Variants in FAT1 observed in about 807,000 individuals in gnomAD.
FAT1 encodes FAT atypical cadherin 1, also known as protocadherin Fat 1.
FAT1 carries 171 observed loss-of-function variants against 329.8 expected under a neutral mutation model. The ratio of observed to expected loss-of-function variants is 0.52; its 90% CI spans 0.46 to 0.59. The LOEUF (loss-of-function observed/expected upper bound fraction) is 0.59. Among genes scored for constraint, FAT1 ranks in the 20% least tolerant of loss-of-function variants. FAT1 has a pLI of 0.00. For missense variants in FAT1, 5,672 were observed against 5,774.4 expected (o/e 0.98, Z 0.57); for synonymous variants, 2,233 against 2,228.6 (o/e 1.00, Z -0.06).
chr4:186,666,278 A>T (rs1222712573), intron 2 of FAT1, among the ~76,000 whole-genome samples: 1 of 152,196 alleles, frequency 6.6e-6, no homozygotes, highest in Non-Finnish European at 1.5e-5. Context: ...ACTGAAGATG[A>T]ACTCAAACAT....
At chr4:186,611,298 G>C in intron 14 of FAT1, 88 bp downstream of exon 14, 2 of 1,202,288 alleles carry the variant, frequency 1.7e-6, no homozygotes, top group South Asian at 3.1e-5. Flanking sequence ...TGACAACACA[G>C]GGTCACTTAA....
At chr4:186,667,395 G>A (rs770648792) in intron 2 of FAT1, among the ~76,000 whole-genome samples, 4 of 152,154 alleles carry the variant, frequency 2.6e-5, no homozygotes, top group Non-Finnish European at 5.9e-5. Context: ...TTCAAATATC[G>A]GAGATTGTGT....
chr4:186,722,262 T>C (rs756345198), intron 1 of FAT1, among the ~76,000 whole-genome samples: 2 of 152,198 alleles, frequency 1.3e-5, no homozygotes, highest in African/African-American at 4.8e-5. Flanking sequence ...TGGCCCGAAA[T>C]GATTTTATAA....
intron 1 of FAT1, among the ~76,000 whole-genome samples, chr4:186,714,891 A>AAC (rs1745136171): frequency 6.6e-6 from 1 of 152,170 alleles, no homozygotes; most frequent in Non-Finnish European, 1.5e-5. Flanking sequence ...CATCCTGGCC[A>AAC]ACATGGTGAA....
chr4:186,605,773 G>C (rs571000629), intron 17 of FAT1, among the ~76,000 whole-genome samples: 13 of 141,556 alleles, frequency 9.2e-5, no homozygotes, highest in Admixed American at 8.5e-4. Context: ...GGAAGGTCAA[G>C]GGGGGAGGAG....
At position 186,597,593 on chromosome 4, in the gene FAT1, A is replaced by G. The variant is rs111306703; in HGVS notation, c.12368+89T>C. 2,607 of 829,080 alleles carry G rather than the reference A, an allele frequency of 3.1e-3. 47 individuals are homozygous for G. The African/African-American group carries it at 0.04, about 13-fold the overall frequency. 51.4% of individuals were successfully genotyped at this position (829,080 alleles called of 1,614,324 possible). A position where few individuals can be genotyped will look rare whatever the true frequency, so the allele number is the denominator to read the frequency against. On this transcript the variant is annotated intron_variant, in intron 24 of 26. Coordinates refer to ENST00000441802, the MANE Select transcript of FAT1 (RefSeq NM_005245.4). Reference sequence around the variant, plus strand: ...GGATTATCAAAATCTGACATAATGTAGTTCAAATCACTGAAGGTCTGTTGC... The same window carrying G: ...GGATTATCAAAATCTGACATAATGTGGTTCAAATCACTGAAGGTCTGTTGC...
At chr4:186,645,968 TACACAC>T (rs371987938) in intron 3 of FAT1, among the ~76,000 whole-genome samples, 2,935 of 105,198 alleles carry the variant, frequency 0.028, 111 homozygotes, top group Non-Finnish European at 0.037. Flanking sequence ...AAAAAATATA[TACACAC>T]ACACACACAC....
intron 2 of FAT1, among the ~76,000 whole-genome samples, chr4:186,706,065 TAAGTG>T (rs1459037600): frequency 2.0e-5 from 3 of 152,180 alleles, no homozygotes; most frequent in Non-Finnish European, 2.9e-5. Context: ...GACGAGGTAC[TAAGTG>T]AAGACCACAT....
intron 3 of FAT1, among the ~76,000 whole-genome samples, chr4:186,647,844 G>T (rs1023533401): frequency 6.6e-6 from 1 of 152,162 alleles, no homozygotes; most frequent in South Asian, 2.1e-4. Context: ...TTACTACCAG[G>T]ATCCGGAAGT....
chr4:186,650,302 T>C (rs897230209), intron 3 of FAT1, among the ~76,000 whole-genome samples: 5 of 152,216 alleles, frequency 3.3e-5, no homozygotes, highest in African/African-American at 1.2e-4. Flanking sequence ...GTTCTGAGTA[T>C]ATTATTTCTC....
At position 186,613,299 on chromosome 4, in the gene FAT1, A is replaced by T. The variant is rs1739549873; in HGVS notation, c.9273T>A (p.Ala3091=). 1.2e-6 allele frequency: 2 copies of T among 1,614,040 alleles called. No individual in the cohort carries two copies. Among genetic ancestry groups the T allele is most frequent in the Non-Finnish European group, 1.7e-6 (2 of 1,179,888 alleles). The part of the protein sequence containing the change: ...TSTPLDREEQ[A]VYHLLVRATD... ...TGGCCCTGACGAGAAGATGATAAAC[A>T]GCTTGCTCCTCACGATCAAGGGGGG... Residue 3091 remains alanine, a synonymous_variant, in exon 13 of 27, where the codon GCT becomes GCA. Transcript: ENST00000441802.
Position 186,636,117 on chromosome 4 carries a change from G to A in FAT1, c.4091C>T (p.Thr1364Ile), listed in dbSNP as rs776549508. 6.2e-7 allele frequency: 1 copy of A among 1,613,952 alleles called. No individual in the cohort carries two copies. The highest frequency in any genetic ancestry group is 8.5e-7 in the Non-Finnish European group (1 of 1,179,880). The part of the protein sequence containing the change: ...EPISFEESFF[T>I]FTVMESDPVA... ...GGGGTCACTTTCCATCACAGTAAAG[G>A]TAAAAAATGATTCTTCAAATGAAAT... Residue 1364 changes from threonine to isoleucine, a missense_variant, in exon 6 of 27, where the codon ACC (threonine) becomes ATC (isoleucine). Transcript: ENST00000441802.
intron 1 of FAT1, among the ~76,000 whole-genome samples, chr4:186,719,049 C>T (rs559175302): frequency 1.7e-4 from 26 of 152,308 alleles, no homozygotes; most frequent in Admixed American, 5.9e-4. Context: ...TGAATGACAA[C>T]ATTCTCCTGA....
Position 186,613,216 on chromosome 4 carries a change from T to A in FAT1, c.9356A>T (p.Asn3119Ile), listed in dbSNP as rs2126475212. The A allele has an allele frequency of 6.2e-7, 1 of 1,613,934 alleles. No homozygotes were observed. Residue 3119 changes from asparagine to isoleucine, a missense_variant, in exon 13 of 27, where the codon AAC becomes ATC. By Grantham distance (149) the Asn-to-Ile change is moderately radical. Around this residue, in one of 2 missense-constraint regions of FAT1, gnomAD observed 3,966 missense variants for 3,915.2 expected, o/e 1.01. Coordinates refer to ENST00000441802, the MANE Select transcript of FAT1 (RefSeq NM_005245.4). ...ASIVLTLEDV[N>I]DNAPEFSADP... ...GGCAGAGAATTCGGGGGCGTTATCG[T>A]TCACATCTTCTAGCGTGAGCACAAT...
At chr4:186,595,325 G>A (rs1738448778) in intron 26 of FAT1, among the ~76,000 whole-genome samples, 1 of 152,032 alleles carries the variant, frequency 6.6e-6, no homozygotes, top group Admixed American at 6.6e-5. Context: ...GTGAGAGAGA[G>A]TGTGTGTTTG....
In FAT1 at chr4:186,618,781, T is replaced by G; in HGVS notation, c.7805A>C (p.Glu2602Ala). The change falls in exon 10 of 27, where the codon GAA (glutamate) becomes GCA (alanine). Residue 2602 changes from glutamate (E) to alanine (A), a missense_variant. This residue lies in a region of FAT1 where 3,966 missense variants were observed against 3,915.2 expected (regional missense o/e 1.01). Coordinates refer to ENST00000441802, the MANE Select transcript of FAT1 (RefSeq NM_005245.4). ...NAPQFRATKY[E>A]VNIGSSAAKG... Reference sequence around the variant, plus strand: ...AGCAGCACTGGACCCGATATTCACTTCGTATTTGGTTGCTCGAAATTGTGG... The same window carrying G: ...AGCAGCACTGGACCCGATATTCACTGCGTATTTGGTTGCTCGAAATTGTGG... 1 of 1,614,012 alleles carries G rather than the reference T, an allele frequency of 6.2e-7. No homozygotes were observed. The highest frequency in any genetic ancestry group is 8.5e-7 in the Non-Finnish European group (1 of 1,179,892).
At chr4:186,635,522 A>G (rs983939117) in intron 6 of FAT1, among the ~76,000 whole-genome samples, 1 of 152,236 alleles carries the variant, frequency 6.6e-6, no homozygotes, top group Non-Finnish European at 1.5e-5. Context: ...AGCTGGTACC[A>G]TAACTTTGTA....
Position 186,603,045 on chromosome 4 carries a change from A to G in FAT1, c.11351-11T>C, listed in dbSNP as rs1329206058. 1 of 1,613,886 alleles carries G rather than the reference A, an allele frequency of 6.2e-7. No homozygotes were observed. Among genetic ancestry groups the G allele is most frequent in the Non-Finnish European group, 8.5e-7 (1 of 1,179,842 alleles). On this transcript the variant is annotated splice_polypyrimidine_tract_variant and intron_variant, in intron 19 of 26. Coordinates refer to ENST00000441802, the MANE Select transcript of FAT1 (RefSeq NM_005245.4). Reference sequence around the variant, plus strand: ...GTGGGCACCTTCCCTCTTCATTCAAAGAGGGGAGAAAGGGAAAAGATAATT... The same window carrying G: ...GTGGGCACCTTCCCTCTTCATTCAAGGAGGGGAGAAAGGGAAAAGATAATT...
At chr4:186,722,740 G>T (rs953411174) in intron 1 of FAT1, among the ~76,000 whole-genome samples, 13 of 152,098 alleles carry the variant, frequency 8.5e-5, no homozygotes, top group African/African-American at 3.1e-4. Flanking sequence ...TTAAGAATCT[G>T]CTTTTGAAAA....
Sources: gnomAD v4.1 joint callset for allele counts (sites outside exome capture counted in the v4.1 genomes callset) on GRCh38, gnomAD v4.1.1 for gene constraint, gnomAD v4.1.1 regional missense constraint, MANE v1.5 for transcripts, NCBI Gene and HGNC (gene_info 2026-07-23, HGNC 2026-07-21) for gene names.